RCAN3: variants seen among roughly 807,000 people sequenced by gnomAD.
The protein encoded by RCAN3 is regulator of calcineurin 3.
A neutral mutation model predicts 21.9 loss-of-function variants in RCAN3; 19 were observed. That is an observed-to-expected ratio of 0.87 (90% CI 0.61 to 1.27). The LOEUF (loss-of-function observed/expected upper bound fraction) is 1.27. RCAN3 is among the 50% of genes most tolerant of loss of function. RCAN3 has a pLI of 0.00. For synonymous variants in RCAN3, 114 were observed against 112.3 expected (o/e 1.01, Z -0.09); for missense variants, 240 against 300.1 (o/e 0.80, Z 1.48).
At chr1:24,506,643 C>A (rs1288729763) in intron 1 of RCAN3, among the ~76,000 whole-genome samples, 1 of 150,616 alleles carries the variant, frequency 6.6e-6, no homozygotes, top group Non-Finnish European at 1.5e-5. Context: ...ATACAGCATA[C>A]CCGAGTTCCT....
chr1:24,535,332 C>A lies in RCAN3; in HGVS notation c.*55C>A. On this transcript the variant is annotated 3_prime_UTR_variant, in exon 5 of 5. Transcript: ENST00000374395. ...CCTGGTGGGCTCTGGCCATGGCGCT[C>A]TGTGCCTGCGGCCGATGCGTTGCTG... 2.7e-6 allele frequency: 4 copies of A among 1,484,750 alleles called. No individual in the cohort carries two copies. Among genetic ancestry groups the A allele is most frequent in the Non-Finnish European group, 3.6e-6 (4 of 1,123,000 alleles). The allele number at this position is 1,484,750 out of a possible 1,614,324, so 92.0% of individuals were successfully genotyped here.
At chr1:24,518,967 G>C (rs1377838430) in intron 2 of RCAN3, among the ~76,000 whole-genome samples, 1 of 152,016 alleles carries the variant, frequency 6.6e-6, no homozygotes, top group Non-Finnish European at 1.5e-5. Flanking sequence ...GTAAAGACAG[G>C]GTTTCACCCT....
chr1:24,535,462 G>T lies in RCAN3; in HGVS notation c.*185G>T. The T allele has an allele frequency of 2.0e-6, 1 of 489,254 alleles. No individual in the cohort carries two copies. Among genetic ancestry groups the T allele is most frequent in the Non-Finnish European group, 3.3e-6 (1 of 304,250 alleles). The allele number at this position is 489,254 out of a possible 1,614,324, so 30.3% of individuals were successfully genotyped here. A position where few individuals can be genotyped will look rare whatever the true frequency, so the allele number is the denominator to read the frequency against. Reference sequence around the variant, plus strand: ...GTAGCAGCTGATTTGACCTGTCCCAGATTTTAAGTGATATTCCAAAAGGGA... The same window carrying T: ...GTAGCAGCTGATTTGACCTGTCCCATATTTTAAGTGATATTCCAAAAGGGA... On this transcript the variant is annotated 3_prime_UTR_variant, in exon 5 of 5. Transcript: ENST00000374395.
intron 2 of RCAN3, among the ~76,000 whole-genome samples, chr1:24,529,134 G>A (rs527756939): frequency 2.6e-5 from 4 of 152,274 alleles, no homozygotes; most frequent in South Asian, 2.1e-4. Context: ...ATCAACTGGC[G>A]CAGTTGCTCA....
At chr1:24,529,812 A>G (rs756860895) in intron 2 of RCAN3, among the ~76,000 whole-genome samples, 2 of 151,126 alleles carry the variant, frequency 1.3e-5, no homozygotes, top group African/African-American at 2.4e-5. Context: ...CAGCCTCCCA[A>G]AGTGCTGGGA....
intron 2 of RCAN3, among the ~76,000 whole-genome samples, chr1:24,520,543 G>A (rs1169984016): frequency 1.3e-5 from 2 of 152,096 alleles, no homozygotes; most frequent in African/African-American, 4.8e-5. Context: ...GGACATAGAT[G>A]AAACTGGAAA....
chr1:24,517,457 G>A (rs555620745), intron 2 of RCAN3, among the ~76,000 whole-genome samples: 2 of 151,990 alleles, frequency 1.3e-5, no homozygotes, highest in East Asian at 1.9e-4. Context: ...ACTGTAGCCT[G>A]GGAAATTTTT....
At chr1:24,530,405 G>C (rs1203918184) in intron 2 of RCAN3, among the ~76,000 whole-genome samples, 2 of 139,172 alleles carry the variant, frequency 1.4e-5, no homozygotes, top group African/African-American at 2.7e-5. Flanking sequence ...CAGCAAGGGA[G>C]AACCTCAGGA....
chr1:24,506,382 T>G (rs964806331), intron 1 of RCAN3, among the ~76,000 whole-genome samples: 2 of 152,162 alleles, frequency 1.3e-5, no homozygotes, highest in Admixed American at 1.3e-4. Flanking sequence ...CTGATAAAAT[T>G]TGAATCCAGA....
intron 2 of RCAN3, among the ~76,000 whole-genome samples, chr1:24,529,930 G>A (rs196419): frequency 0.53 from 79,310 of 149,522 alleles, 21,599 homozygotes; most frequent in East Asian, 0.74. Flanking sequence ...TCTACTCCCA[G>A]CTATTTGGGA....
intron 2 of RCAN3, among the ~76,000 whole-genome samples, chr1:24,523,189 G>A (rs947463643): frequency 1.3e-5 from 2 of 151,426 alleles, no homozygotes; most frequent in Admixed American, 1.3e-4. Flanking sequence ...TCAGCCTCCC[G>A]AGTAGCTGGG....
chr1:24,514,597 T>C, intron 2 of RCAN3, 30 bp downstream of exon 2: 3 of 1,593,234 alleles, frequency 1.9e-6, no homozygotes, highest in Non-Finnish European at 1.7e-6. Flanking sequence ...TTCCCTACAT[T>C]TGTAGCATGT....
At chr1:24,511,010 A>G (rs1336836252) in intron 1 of RCAN3, among the ~76,000 whole-genome samples, 1 of 152,160 alleles carries the variant, frequency 6.6e-6, no homozygotes, top group Non-Finnish European at 1.5e-5. Context: ...GAACACCTAC[A>G]ACAAATATTA....
chr1:24,518,879 T>C (rs2148900212), intron 2 of RCAN3, among the ~76,000 whole-genome samples: 1 of 152,174 alleles, frequency 6.6e-6, no homozygotes, highest in South Asian at 2.1e-4. Context: ...GTTCAAGCAA[T>C]CCTCCCACCT....
chr1:24,535,609 A>C lies in RCAN3; in HGVS notation c.*332A>C, dbSNP rs1318961372. Reference sequence around the variant, plus strand: ...GTAAGTCCTCCTGATTCTGTATCACATGAGACACCAAAAACTGGAAATGTA... The same window carrying C: ...GTAAGTCCTCCTGATTCTGTATCACCTGAGACACCAAAAACTGGAAATGTA... On this transcript the variant is annotated 3_prime_UTR_variant, in exon 5 of 5. Coordinates refer to ENST00000374395, the MANE Select transcript of RCAN3 (RefSeq NM_013441.4). 1 of 243,926 alleles carries C rather than the reference A, an allele frequency of 4.1e-6. No individual in the cohort carries two copies. The highest frequency in any genetic ancestry group is 7.8e-6 in the Non-Finnish European group (1 of 129,016). 15.1% of individuals were successfully genotyped at this position (243,926 alleles called of 1,614,324 possible).
intron 2 of RCAN3, among the ~76,000 whole-genome samples, chr1:24,515,590 C>A (rs1276319750): frequency 6.6e-6 from 1 of 152,128 alleles, no homozygotes; most frequent in Non-Finnish European, 1.5e-5. Context: ...AACCCTATCA[C>A]TGGCCCTTTA....
Position 24,525,073 on chromosome 1 carries a change from C to T in RCAN3, c.196-6145C>T, listed in dbSNP as rs114191622. On this transcript the variant is annotated intron_variant, in intron 2 of 4. Transcript: ENST00000374395. The surrounding 1 kb of genome is among the most constrained non-coding windows in gnomAD (Gnocchi z 4.1). ...TTTGTTCTTCAGTGAAACAGCTAAA[C>T]CTTGCCTTCTCCGAATTGGGATGGG... Among the ~76,000 whole-genome samples the T allele has an allele frequency of 4.7e-4, 71 of 152,098 alleles. No homozygotes were observed. Among genetic ancestry groups the T allele is most frequent in the African/African-American group, 1.7e-3 (70 of 41,504 alleles).
In RCAN3 at chr1:24,538,088, C is replaced by T. The variant is rs987758302; in HGVS notation, c.*2811C>T. The stretch of plus-strand genomic sequence containing the variant: ...TTAACAAGGATAGTCACAGAACCGA[C>T]GCTGCATTGGCTCTTAGGTTCTAGA... On this transcript the variant is annotated 3_prime_UTR_variant, in exon 5 of 5. Transcript: ENST00000374395. The T allele has an allele frequency of 6.6e-5, 10 of 152,172 alleles. No homozygotes were observed. Among genetic ancestry groups the T allele is most frequent in the African/African-American group, 1.9e-4 (8 of 41,442 alleles). 9.4% of individuals were successfully genotyped at this position (152,172 alleles called of 1,614,324 possible). A position where few individuals can be genotyped will look rare whatever the true frequency, so the allele number is the denominator to read the frequency against.
rs74060398 is a variant in RCAN3 at position 24,535,917 on chromosome 1, C to G, written c.*640C>G. Reference sequence around the variant, plus strand: ...GACACAGATCCACCCACATGTTGCTCTTATCTGGAATTTGGGACAAAGCAA... The same window carrying G: ...GACACAGATCCACCCACATGTTGCTGTTATCTGGAATTTGGGACAAAGCAA... On this transcript the variant is annotated 3_prime_UTR_variant, in exon 5 of 5. Transcript: ENST00000374395. 1.2e-4 allele frequency: 19 copies of G among 152,348 alleles called. No individual in the cohort carries two copies. The highest frequency in any genetic ancestry group is 4.3e-4 in the African/African-American group (18 of 41,578). The allele number at this position is 152,348 out of a possible 1,614,324, so 9.4% of individuals were successfully genotyped here. A position where few individuals can be genotyped will look rare whatever the true frequency, so the allele number is the denominator to read the frequency against.
Sources: allele counts gnomAD v4.1 joint callset (sites outside exome capture counted in the v4.1 genomes callset), GRCh38; gene constraint gnomAD v4.1.1; non-coding constraint Gnocchi (gnomAD v3.1); transcripts MANE v1.5; gene names NCBI Gene and HGNC (gene_info 2026-07-23, HGNC 2026-07-21).